The following PIP4P2 variants were observed in gnomAD, a reference collection of about 807,000 sequenced individuals.
PIP4P2 encodes phosphatidylinositol-4,5-bisphosphate 4-phosphatase 2.
Under a neutral mutation model 33.3 loss-of-function variants are expected in PIP4P2, and 19 were observed. That is an observed-to-expected ratio of 0.57 (90% CI 0.40 to 0.84). PIP4P2 has a LOEUF of 0.84. Ranked by LOEUF, PIP4P2 falls within the 40% of genes least tolerant of loss-of-function variation. The pLI is 0.00. For synonymous variants in PIP4P2, 110 were observed against 111.9 expected (o/e 0.98, Z 0.11); for missense variants, 270 against 324.7 (o/e 0.83, Z 1.29).
At chr8:91,032,509 G>A (rs756367628) in intron 1 of PIP4P2, among the ~76,000 whole-genome samples, 3 of 152,056 alleles carry the variant, frequency 2.0e-5, no homozygotes, top group Admixed American at 6.6e-5. Flanking sequence ...GGCCAGGCGC[G>A]GTGGCTCATG....
intron 4 of PIP4P2, among the ~76,000 whole-genome samples, chr8:91,017,678 G>A (rs1469264137): frequency 1.3e-5 from 2 of 151,988 alleles, no homozygotes; most frequent in Non-Finnish European, 2.9e-5. Flanking sequence ...ACTCCCATGT[G>A]TATACTCTGA....
intron 5 of PIP4P2, among the ~76,000 whole-genome samples, chr8:90,998,281 C>T (rs1811656033): frequency 1.3e-5 from 2 of 152,144 alleles, no homozygotes; most frequent in East Asian, 3.9e-4. Context: ...AGCGGCTTTT[C>T]TGTGAGCCAA....
intron 4 of PIP4P2, among the ~76,000 whole-genome samples, chr8:91,016,189 A>G (rs375087947): frequency 1.3e-5 from 2 of 152,188 alleles, no homozygotes; most frequent in African/African-American, 2.4e-5. Context: ...ATCGGAGACA[A>G]ACAAAGGCTC....
At chr8:91,020,982 T>C (rs962060199) in intron 2 of PIP4P2, among the ~76,000 whole-genome samples, 1 of 152,182 alleles carries the variant, frequency 6.6e-6, no homozygotes, top group Non-Finnish European at 1.5e-5. Flanking sequence ...TGAAAGTATT[T>C]ATACGTAACT....
intron 6 of PIP4P2, 52 bp downstream of exon 6, chr8:90,996,602 C>G: frequency 1.3e-6 from 2 of 1,485,930 alleles, no homozygotes; most frequent in Non-Finnish European, 1.8e-6. Flanking sequence ...TCATGATTGA[C>G]TACTGATAAA....
intron 1 of PIP4P2, among the ~76,000 whole-genome samples, chr8:91,037,349 A>G (rs1465142685): frequency 6.6e-6 from 1 of 152,268 alleles, no homozygotes; most frequent in Non-Finnish European, 1.5e-5. Flanking sequence ...CACTTTGCCA[A>G]TACTGCTTTC....
At chr8:91,004,447 A>G (rs1811742288) in intron 5 of PIP4P2, among the ~76,000 whole-genome samples, 1 of 152,124 alleles carries the variant, frequency 6.6e-6, no homozygotes, top group African/African-American at 2.4e-5. Flanking sequence ...GTAATGCTTT[A>G]CCATTTCTTT....
chr8:91,000,040 T>C (rs1811681089), intron 5 of PIP4P2, among the ~76,000 whole-genome samples: 1 of 151,982 alleles, frequency 6.6e-6, no homozygotes, highest in Admixed American at 6.6e-5. Flanking sequence ...ATTCTGAAAG[T>C]TTTACAATTT....
At chr8:91,000,914 T>A (rs972031616) in intron 5 of PIP4P2, among the ~76,000 whole-genome samples, 1 of 151,548 alleles carries the variant, frequency 6.6e-6, no homozygotes, top group Non-Finnish European at 1.5e-5. Flanking sequence ...CATCTTTGTC[T>A]CTCTATGCTA....
intron 3 of PIP4P2, 140 bp from the exon 4 acceptor site, chr8:91,018,653 CTACA>C: frequency 7.7e-7 from 1 of 1,301,184 alleles, no homozygotes; most frequent in Non-Finnish European, 1.0e-6. Flanking sequence ...GGAGGCAAAA[CTACA>C]AAGAGTAGCA....
intron 1 of PIP4P2, 67 bp from the exon 2 acceptor site, chr8:91,021,471 G>T: frequency 6.7e-7 from 1 of 1,501,804 alleles, no homozygotes. Context: ...GAGTATAGAG[G>T]CAATATAAGT....
intron 4 of PIP4P2, among the ~76,000 whole-genome samples, chr8:91,012,599 A>G (rs1811854161): frequency 1.3e-5 from 2 of 152,120 alleles, no homozygotes; most frequent in East Asian, 1.9e-4. Context: ...AAATTTTGAA[A>G]TCATCTTTAA....
intron 1 of PIP4P2, among the ~76,000 whole-genome samples, chr8:91,024,606 C>T (rs1812056904): frequency 6.6e-6 from 1 of 151,940 alleles, no homozygotes; most frequent in Non-Finnish European, 1.5e-5. Context: ...TTAAAACAAC[C>T]GATCACCAGT....
intron 1 of PIP4P2, among the ~76,000 whole-genome samples, chr8:91,027,848 A>T (rs1243819303): frequency 6.6e-6 from 1 of 152,188 alleles, no homozygotes; most frequent in East Asian, 1.9e-4. Flanking sequence ...AAACCTGCAT[A>T]TTCATACCTC....
chr8:91,008,684 A>T, intron 5 of PIP4P2, 59 bp downstream of exon 5: 1 of 1,504,926 alleles, frequency 6.6e-7, no homozygotes, highest in Non-Finnish European at 9.2e-7. Context: ...GAAAATTCTG[A>T]ACTCTTCAAA....
At chr8:91,019,517 C>T (rs28618232) in intron 3 of PIP4P2, among the ~76,000 whole-genome samples, 69,153 of 145,940 alleles carry the variant, frequency 0.47, 19,582 homozygotes, top group Non-Finnish European at 0.64. Flanking sequence ...AGGTAGAGGT[C>T]ACAGTGAGCC....
chr8:91,038,345 TAA>T (rs751416839), intron 1 of PIP4P2, among the ~76,000 whole-genome samples: 4 of 152,170 alleles, frequency 2.6e-5, no homozygotes, highest in East Asian at 1.9e-4. Context: ...TTTAAAAAAA[TAA>T]AAGTCTGAAT....
chr8:91,005,767 A>G (rs1032974213), intron 5 of PIP4P2, among the ~76,000 whole-genome samples: 1 of 152,238 alleles, frequency 6.6e-6, no homozygotes, highest in East Asian at 1.9e-4. Flanking sequence ...ATGATATTCA[A>G]TGATAATTGT....
intron 5 of PIP4P2, among the ~76,000 whole-genome samples, chr8:91,004,342 C>T (rs1811741000): frequency 6.6e-6 from 1 of 151,904 alleles, no homozygotes; most frequent in Non-Finnish European, 1.5e-5. Context: ...ATTGGGCCCC[C>T]AGCGAATTGG....
Sources: allele counts gnomAD v4.1 joint callset (sites outside exome capture counted in the v4.1 genomes callset), GRCh38; gene constraint gnomAD v4.1.1; transcripts MANE v1.5; gene names NCBI Gene and HGNC (gene_info 2026-07-23, HGNC 2026-07-21).